Variants in LRP1B observed in about 807,000 individuals in gnomAD.
The protein encoded by LRP1B is low-density lipoprotein receptor-related protein 1B.
In LRP1B, 217 loss-of-function variants were observed where a neutral mutation model predicts 556.6. That is an observed-to-expected ratio of 0.39 (90% CI 0.35 to 0.44). The LOEUF (loss-of-function observed/expected upper bound fraction) is 0.44. Ranked by LOEUF, LRP1B falls within the 20% of genes least tolerant of loss-of-function variation. The pLI is 1.00. For synonymous variants in LRP1B, 2,047 were observed against 1,865.8 expected, an observed-to-expected ratio of 1.10 and a Z score of -2.50; for missense variants, 5,053 against 5,620.8, an observed-to-expected ratio of 0.90 and a Z score of 3.23.
intron 22 of LRP1B, among the ~76,000 whole-genome samples, chr2:140,906,956 A>G (rs1490916043): frequency 1.4e-5 from 2 of 146,016 alleles, no homozygotes; most frequent in Non-Finnish European, 3.0e-5. Flanking sequence ...AAAAAAAGAC[A>G]TTTTACCACA....
intron 3 of LRP1B, among the ~76,000 whole-genome samples, chr2:141,265,494 T>A (rs1684852438): frequency 6.6e-6 from 1 of 152,218 alleles, no homozygotes. Flanking sequence ...TTGAGGTCTA[T>A]GCTGTGGAGA....
rs559800814 is a variant in LRP1B, at chr2:141,248,072, A to G, written c.464-718T>C. ...AAAATGCAAAAATTAGCCAGGCACA[A>G]TGGTGTGTGCCTGTACCCCTTCATT... On this transcript the variant is annotated intron_variant, in intron 4 of 90. Coordinates refer to ENST00000389484, the MANE Select transcript of LRP1B (RefSeq NM_018557.3). Among the ~76,000 whole-genome samples, 6 of 152,078 alleles carry G rather than the reference A, an allele frequency of 3.9e-5. No individual in the cohort carries two copies. The South Asian group carries it at 1.2e-3, about 32-fold the overall frequency.
intron 7 of LRP1B, among the ~76,000 whole-genome samples, chr2:141,150,915 T>TGTGTGTGTGTGTG (rs1558894876): frequency 3.8e-5 from 2 of 52,350 alleles, no homozygotes; most frequent in African/African-American, 9.8e-5. Flanking sequence ...GTGTGTGTGT[T>TGTGTGTGTGTGTG]TGCCATGCTA....
chr2:141,381,036 CAT>C (rs1161615659), intron 3 of LRP1B, among the ~76,000 whole-genome samples: 1 of 151,012 alleles, frequency 6.6e-6, no homozygotes, highest in African/African-American at 2.4e-5. Context: ...GTGAAGAAAA[CAT>C]ATGAATATGT....
chr2:141,444,776 C>T (rs982070926), intron 3 of LRP1B, among the ~76,000 whole-genome samples: 2 of 152,174 alleles, frequency 1.3e-5, no homozygotes, highest in Admixed American at 6.5e-5. Flanking sequence ...AGAAATGAAG[C>T]TGACTTGATC....
intron 1 of LRP1B, among the ~76,000 whole-genome samples, chr2:142,028,453 G>A (rs1703579269): frequency 6.6e-6 from 1 of 151,850 alleles, no homozygotes; most frequent in Admixed American, 6.6e-5. Flanking sequence ...TTTGATTCTG[G>A]CTTCTTTCAC....
intron 18 of LRP1B, among the ~76,000 whole-genome samples, chr2:140,966,009 T>C (rs1426819674): frequency 6.6e-6 from 1 of 152,188 alleles, no homozygotes; most frequent in Admixed American, 6.5e-5. Context: ...AGTGCCACAA[T>C]AAACTATGTG....
At chr2:141,289,381 C>CAA (rs34784985) in intron 3 of LRP1B, among the ~76,000 whole-genome samples, 305 of 43,116 alleles carry the variant, frequency 7.1e-3, no homozygotes, top group East Asian at 0.015. Flanking sequence ...GACTCCATCT[C>CAA]AAAAAAAAAA....
chr2:141,029,846 GA>G (rs1480159127), intron 11 of LRP1B, among the ~76,000 whole-genome samples: 1 of 152,058 alleles, frequency 6.6e-6, no homozygotes, highest in Non-Finnish European at 1.5e-5. Flanking sequence ...TGACATTTGG[GA>G]ACTGAAGATC....
chr2:140,720,448 A>G lies in LRP1B; in HGVS notation c.5759-3632T>C, dbSNP rs12478219. Among the ~76,000 whole-genome samples, 674 of 152,146 alleles carry G rather than the reference A, an allele frequency of 4.4e-3. 5 individuals are homozygous for G. The highest frequency in any genetic ancestry group is 0.014 in the African/African-American group (595 of 41,566). On this transcript the variant is annotated intron_variant, in intron 35 of 90. Coordinates refer to ENST00000389484, the MANE Select transcript of LRP1B (RefSeq NM_018557.3). ...TTACCATATAGGGAAATCGGCAGCC[A>G]GCTATTGTGCATTATAATTATAATT...
chr2:141,942,082 C>A (rs973839868), intron 1 of LRP1B, among the ~76,000 whole-genome samples: 2 of 152,150 alleles, frequency 1.3e-5, no homozygotes, highest in African/African-American at 4.8e-5. Flanking sequence ...TCTGAAGATG[C>A]TGCTGATTGA....
Position 141,025,871 on chromosome 2 carries a change from C to G in LRP1B, c.1790-5769G>C, listed in dbSNP as rs183024317. ...AAGAAGGTCATTCTTCACATTCATCCTTTTCCGATAAAACACTGAAAAGTA... is the reference window on the plus strand; with the variant it reads ...AAGAAGGTCATTCTTCACATTCATCGTTTTCCGATAAAACACTGAAAAGTA... On this transcript the variant is annotated intron_variant, in intron 11 of 90. Transcript: ENST00000389484. Among the ~76,000 whole-genome samples the G allele has an allele frequency of 4.3e-3, 648 of 152,110 alleles. 4 individuals are homozygous for G. The highest frequency in any genetic ancestry group is 0.014 in the African/African-American group (601 of 41,536).
chr2:141,824,643 G>T (rs1192981815), intron 1 of LRP1B, among the ~76,000 whole-genome samples: 1 of 152,172 alleles, frequency 6.6e-6, no homozygotes, highest in African/African-American at 2.4e-5. Flanking sequence ...GTGAGCCACC[G>T]CGTCCGGCAT....
intron 7 of LRP1B, among the ~76,000 whole-genome samples, chr2:141,075,723 A>C (rs1303935138): frequency 6.6e-6 from 1 of 152,220 alleles, no homozygotes; most frequent in Non-Finnish European, 1.5e-5. Context: ...CTGTCTCAAA[A>C]GTGACTAAGG....
intron 1 of LRP1B, among the ~76,000 whole-genome samples, chr2:141,969,923 T>C (rs535245611): frequency 1.8e-4 from 28 of 151,702 alleles, no homozygotes; most frequent in African/African-American, 5.8e-4. Context: ...TCTTTTTTTT[T>C]CCACACTCTT....
At chr2:140,492,099 A>T (rs1688725996) in intron 57 of LRP1B, among the ~76,000 whole-genome samples, 1 of 152,084 alleles carries the variant, frequency 6.6e-6, no homozygotes, top group African/African-American at 2.4e-5. Flanking sequence ...TTTATTTTTA[A>T]CCTGTGACAT....
At chr2:141,612,041 A>T (rs1688125105) in intron 2 of LRP1B, among the ~76,000 whole-genome samples, 1 of 152,230 alleles carries the variant, frequency 6.6e-6, no homozygotes, top group South Asian at 2.1e-4. Flanking sequence ...GTAGCGTTTT[A>T]TTACCTGTAA....
At chr2:141,329,668 ATC>A (rs1158835420) in intron 3 of LRP1B, among the ~76,000 whole-genome samples, 2 of 142,400 alleles carry the variant, frequency 1.4e-5, no homozygotes, top group Admixed American at 1.4e-4. Context: ...AAAAAAAACT[ATC>A]TCTCTCTCTA....
intron 35 of LRP1B, among the ~76,000 whole-genome samples, chr2:140,728,691 C>T (rs929502639): frequency 6.6e-6 from 1 of 152,042 alleles, no homozygotes; most frequent in African/African-American, 2.4e-5. Context: ...TTTTTTCCAT[C>T]ATCATCCCTG....
Sources: allele counts gnomAD v4.1 joint callset (sites outside exome capture counted in the v4.1 genomes callset), GRCh38; gene constraint gnomAD v4.1.1; transcripts MANE v1.5; gene names NCBI Gene and HGNC (gene_info 2026-07-23, HGNC 2026-07-21).